The following B3GALT1 variants were observed in gnomAD, a reference collection of about 807,000 sequenced individuals.
B3GALT1 encodes beta-1,3-galactosyltransferase 1.
Under a neutral mutation model 23.2 loss-of-function variants are expected in B3GALT1, and 10 were observed. The observed-to-expected ratio is 0.43, with a 90% confidence interval of 0.27 to 0.73. The LOEUF (loss-of-function observed/expected upper bound fraction) is 0.73. Ranked by LOEUF, B3GALT1 falls within the 30% of genes least tolerant of loss-of-function variation. The pLI, the probability that B3GALT1 is intolerant of heterozygous loss-of-function variation, is 0.21. For missense variants in B3GALT1, 299 were observed against 405.4 expected (o/e 0.74, Z 2.25); for synonymous variants, 156 against 141.5 (o/e 1.10, Z -0.73).
chr2:167,408,350 TATTGAAGGAAC>T (rs1307875808), intron 1 of B3GALT1, among the ~76,000 whole-genome samples: 1 of 152,062 alleles, frequency 6.6e-6, no homozygotes, highest in Non-Finnish European at 1.5e-5. Context: ...TCAAAATGGG[TATTGAAGGAAC>T]ATACCTCAAA....
At chr2:167,764,874 G>C (rs1369451804) in intron 3 of B3GALT1, among the ~76,000 whole-genome samples, 7 of 152,098 alleles carry the variant, frequency 4.6e-5, no homozygotes, top group African/African-American at 1.7e-4. Flanking sequence ...GTAAACAAGG[G>C]AAGCCTTGGT....
At chr2:167,371,114 A>G (rs1486639242) in intron 1 of B3GALT1, among the ~76,000 whole-genome samples, 3 of 152,178 alleles carry the variant, frequency 2.0e-5, no homozygotes, top group Non-Finnish European at 2.9e-5. Context: ...GGAGACAGCT[A>G]TTACAAAATT....
intron 2 of B3GALT1, among the ~76,000 whole-genome samples, chr2:167,506,119 A>G (rs1699913823): frequency 1.3e-5 from 2 of 152,042 alleles, no homozygotes; most frequent in Admixed American, 6.6e-5. Flanking sequence ...CAACTCTATG[A>G]TGTCTTTCCT....
At chr2:167,364,580 C>T (rs1429502615) in intron 1 of B3GALT1, among the ~76,000 whole-genome samples, 3 of 152,018 alleles carry the variant, frequency 2.0e-5, no homozygotes, top group African/African-American at 7.2e-5. Flanking sequence ...TGAGTGAGAA[C>T]ATGCGGTGTT....
chr2:167,408,457 C>A (rs1698342618), intron 1 of B3GALT1, among the ~76,000 whole-genome samples: 1 of 152,086 alleles, frequency 6.6e-6, no homozygotes, highest in Non-Finnish European at 1.5e-5. Context: ...AGGAGATGAA[C>A]AGGACAAGGA....
intron 1 of B3GALT1, among the ~76,000 whole-genome samples, chr2:167,453,459 TG>T (rs1238123038): frequency 6.6e-6 from 1 of 152,258 alleles, no homozygotes; most frequent in Non-Finnish European, 1.5e-5. Flanking sequence ...TGATATTAAA[TG>T]TATATATTCT....
intron 1 of B3GALT1, among the ~76,000 whole-genome samples, chr2:167,486,977 T>C (rs1699636548): frequency 6.6e-6 from 1 of 152,220 alleles, no homozygotes; most frequent in African/African-American, 2.4e-5. Flanking sequence ...AAAATGTTTA[T>C]ATTTTTGTTA....
chr2:167,535,458 A>C (rs1191985741), intron 2 of B3GALT1, among the ~76,000 whole-genome samples: 2 of 152,166 alleles, frequency 1.3e-5, no homozygotes, highest in African/African-American at 4.8e-5. Flanking sequence ...ACTGAATCTT[A>C]GGGAAAATTC....
chr2:167,474,457 AT>A (rs1699464408), intron 1 of B3GALT1, among the ~76,000 whole-genome samples: 2 of 152,100 alleles, frequency 1.3e-5, no homozygotes, highest in African/African-American at 4.8e-5. Flanking sequence ...AACGGGTTGT[AT>A]TGTCTCTGGT....
intron 1 of B3GALT1, among the ~76,000 whole-genome samples, chr2:167,342,906 T>C (rs1166235488): frequency 6.6e-6 from 1 of 152,158 alleles, no homozygotes; most frequent in Admixed American, 6.5e-5. Context: ...TCTTAAGTAT[T>C]TGCTGAAAGG....
chr2:167,672,682 A>G (rs373988765), intron 3 of B3GALT1, among the ~76,000 whole-genome samples: 1 of 152,154 alleles, frequency 6.6e-6, no homozygotes, highest in East Asian at 1.9e-4. Context: ...TAGGGTTGTA[A>G]TAAGGATTAA....
At chr2:167,772,489 G>A (rs1216863143) in intron 3 of B3GALT1, among the ~76,000 whole-genome samples, 1 of 152,118 alleles carries the variant, frequency 6.6e-6, no homozygotes, top group Non-Finnish European at 1.5e-5. Context: ...TTGAACTCAA[G>A]GCAGTGTAAC....
chr2:167,729,573 A>G (rs1338588760), intron 3 of B3GALT1, among the ~76,000 whole-genome samples: 2 of 152,112 alleles, frequency 1.3e-5, no homozygotes, highest in Admixed American at 6.6e-5. Flanking sequence ...AAACTTGTCA[A>G]TTCTGTGTAT....
intron 1 of B3GALT1, among the ~76,000 whole-genome samples, chr2:167,403,624 A>G (rs1005545394): frequency 1.3e-5 from 2 of 152,172 alleles, no homozygotes; most frequent in Admixed American, 1.3e-4. Flanking sequence ...CATGAGGAGT[A>G]GTGGCAAAAC....
At chr2:167,405,020 C>T (rs1046497357) in intron 1 of B3GALT1, among the ~76,000 whole-genome samples, 1 of 152,156 alleles carries the variant, frequency 6.6e-6, no homozygotes, top group African/African-American at 2.4e-5. Flanking sequence ...TTATCCCCAC[C>T]ATTACTGCTG....
chr2:167,444,780 G>A (rs1698954129), intron 1 of B3GALT1, among the ~76,000 whole-genome samples: 1 of 151,998 alleles, frequency 6.6e-6, no homozygotes, highest in Non-Finnish European at 1.5e-5. Context: ...AGTCTTGCTA[G>A]CGGTCTATAA....
intron 1 of B3GALT1, among the ~76,000 whole-genome samples, chr2:167,485,267 T>C (rs1699610274): frequency 6.6e-6 from 1 of 152,172 alleles, no homozygotes; most frequent in African/African-American, 2.4e-5. Flanking sequence ...AAATTCTGCC[T>C]GAACCACCCA....
chr2:167,575,320 C>A (rs751982931), intron 2 of B3GALT1, among the ~76,000 whole-genome samples: 3 of 151,732 alleles, frequency 2.0e-5, no homozygotes, highest in Non-Finnish European at 3.0e-5. Context: ...AAATACATTC[C>A]TGGTGATATC....
intron 2 of B3GALT1, among the ~76,000 whole-genome samples, chr2:167,547,238 C>G (rs1191817291): frequency 6.6e-6 from 1 of 152,200 alleles, no homozygotes; most frequent in African/African-American, 2.4e-5. Flanking sequence ...CAATTTATTT[C>G]CCTCTTGGTC....
Sources: gnomAD v4.1 joint callset for allele counts (sites outside exome capture counted in the v4.1 genomes callset) on GRCh38, gnomAD v4.1.1 for gene constraint, MANE v1.5 for transcripts, NCBI Gene and HGNC (gene_info 2026-07-23, HGNC 2026-07-21) for gene names.